The following SMAD4 variants were observed in gnomAD, a reference collection of about 807,000 sequenced individuals.
SMAD4 encodes the protein MAD homolog 4.
A neutral mutation model predicts 63.2 loss-of-function variants in SMAD4; 7 were observed. The observed-to-expected ratio is 0.11, with a 90% CI of 0.06 to 0.21. The LOEUF (loss-of-function observed/expected upper bound fraction) is 0.21, where lower values mean the gene tolerates loss of function less well. Among genes scored for constraint, SMAD4 ranks in the 10% least tolerant of loss-of-function variants. The pLI is 1.00. For synonymous variants in SMAD4, 215 were observed against 235.4 expected (o/e 0.91, Z 0.79); for missense variants, 312 against 693.8 (o/e 0.45, Z 6.18).
intron 4 of SMAD4, chr18:51,054,011 C>G (rs1030788994): frequency 6.6e-6 from 1 of 152,200 alleles, no homozygotes; most frequent in Admixed American, 6.5e-5. Context: ...TTTTGTCATA[C>G]AGCAGAGCTA....
chr18:51,083,617 T>G lies in SMAD4; in HGVS notation c.*5150T>G, dbSNP rs575833902. On this transcript the variant is annotated 3_prime_UTR_variant, in exon 12 of 12. Coordinates refer to ENST00000342988, the MANE Select transcript of SMAD4 (RefSeq NM_005359.6). ...TTGTTCAACCTGAAAGTAATGGCTC[T>G]GGGTTGGGCCAGACAGTTGCACTCT... The G allele has an allele frequency of 4.4e-6, 1 of 228,322 alleles. No homozygotes were observed. Among genetic ancestry groups the G allele is most frequent in the African/African-American group, 2.2e-5 (1 of 45,200 alleles). 14.1% of individuals were successfully genotyped at this position (228,322 alleles called of 1,614,324 possible).
rs199787250 is a variant in SMAD4, at chr18:51,078,637, AT to A, written c.*180del. ...AGCAGACAGAAACTGGATTAAAACA[AT>A]TTTTTTTTTCCTCTTCAGAACTTGT... On this transcript the variant is annotated 3_prime_UTR_variant, in exon 12 of 12. Transcript: ENST00000342988. 727 of 552,008 alleles carry A rather than the reference AT, an allele frequency of 1.3e-3. No homozygotes were observed. The highest frequency in any genetic ancestry group is 2.9e-3 in the Middle Eastern group (6 of 2,102). The allele number at this position is 552,008 out of a possible 1,614,324, so 34.2% of individuals were successfully genotyped here. A position where few individuals can be genotyped will look rare whatever the true frequency, so the allele number is the denominator to read the frequency against.
chr18:51,060,069 A>T (rs150179374), intron 8 of SMAD4, among the ~76,000 whole-genome samples, 153 bp downstream of exon 8: 2 of 152,228 alleles, frequency 1.3e-5, no homozygotes, highest in Non-Finnish European at 2.9e-5. Context: ...TGAGTAGTCA[A>T]TATAGTCACA....
intron 10 of SMAD4, among the ~76,000 whole-genome samples, chr18:51,075,071 T>C (rs1048901252): frequency 5.9e-5 from 9 of 152,206 alleles, no homozygotes; most frequent in Non-Finnish European, 1.2e-4. Context: ...TATATGTATA[T>C]TGGACAAATT....
At chr18:51,036,226 ACTAGG>A (rs1909202028) in intron 1 of SMAD4, among the ~76,000 whole-genome samples, 1 of 152,164 alleles carries the variant, frequency 6.6e-6, no homozygotes, top group South Asian at 2.1e-4. Flanking sequence ...ATGATTTAAA[ACTAGG>A]AATGCTACCG....
intron 1 of SMAD4, among the ~76,000 whole-genome samples, chr18:51,035,695 G>A (rs941127753): frequency 2.6e-5 from 4 of 152,128 alleles, no homozygotes; most frequent in Admixed American, 6.5e-5. Flanking sequence ...TGAGACATTT[G>A]CTCAGCTAGG....
chr18:51,040,156 G>C (rs894153788), intron 1 of SMAD4, among the ~76,000 whole-genome samples: 4 of 152,118 alleles, frequency 2.6e-5, no homozygotes, highest in Non-Finnish European at 5.9e-5. Context: ...CGCCGGGCAT[G>C]GTGGCTCATA....
intron 7 of SMAD4, among the ~76,000 whole-genome samples, chr18:51,059,470 T>G (rs970150408): frequency 3.9e-5 from 6 of 152,250 alleles, no homozygotes; most frequent in African/African-American, 1.4e-4. Context: ...ATGATTCCAT[T>G]AAATAAACAT....
rs751470394 is a variant in SMAD4, at chr18:51,065,580, C to T, written c.1113C>T (p.His371=). 1 of 1,614,132 alleles carries T rather than the reference C, an allele frequency of 6.2e-7. No individual in the cohort carries two copies. The highest frequency in any genetic ancestry group is 2.2e-5 in the East Asian group (1 of 44,880). Residue 371 remains histidine (H), a synonymous_variant, in exon 9 of 12, where the codon CAC becomes CAT. Transcript: ENST00000342988. ...GTTTGGGTCAACTCTCCAATGTCCA[C>T]AGGACAGAAGCCATTGAGAGAGCAA... is the stretch of plus-strand genomic sequence containing the variant. ...RFCLGQLSNV[H]RTEAIERARL...
intron 1 of SMAD4, among the ~76,000 whole-genome samples, chr18:51,036,925 A>T (rs1191508196): frequency 6.6e-6 from 1 of 152,194 alleles, no homozygotes. Flanking sequence ...TGGGAGGCCA[A>T]GGGGGGTGCG....
intron 1 of SMAD4, among the ~76,000 whole-genome samples, chr18:51,044,630 C>T (rs188915309): frequency 7.2e-5 from 11 of 152,240 alleles, no homozygotes; most frequent in Admixed American, 5.9e-4. Flanking sequence ...TGGGCTCAAG[C>T]GATCCACCTG....
At chr18:51,062,037 C>T (rs17811426) in intron 8 of SMAD4, among the ~76,000 whole-genome samples, 49,562 of 152,000 alleles carry the variant, frequency 0.33, 8,694 homozygotes, top group East Asian at 0.41. Flanking sequence ...GGTTACTGTG[C>T]TGGCTAGCAG....
At position 51,084,118 on chromosome 18, in the gene SMAD4, ACT is replaced by A. The variant is rs1478684671; in HGVS notation, c.*5654_*5655del. On this transcript the variant is annotated 3_prime_UTR_variant, in exon 12 of 12. Transcript: ENST00000342988. Reference sequence around the variant, plus strand: ...CGTGCACACACACACGCACGCACACACTCTGGTCAGAGTTTATTAAGGCTTTC... The same window carrying A: ...CGTGCACACACACACGCACGCACACACTGGTCAGAGTTTATTAAGGCTTTC... 5.6e-5 allele frequency: 13 copies of A among 231,076 alleles called. No individual in the cohort carries two copies. The highest frequency in any genetic ancestry group is 1.2e-4 in the East Asian group (2 of 16,396). The allele number at this position is 231,076 out of a possible 1,614,324, so 14.3% of individuals were successfully genotyped here.
intron 1 of SMAD4, among the ~76,000 whole-genome samples, chr18:51,033,104 A>G (rs1206888930): frequency 6.6e-6 from 1 of 151,866 alleles, no homozygotes; most frequent in Non-Finnish European, 1.5e-5. Context: ...TGAGGTGACC[A>G]TTAATCGCGT....
intron 10 of SMAD4, among the ~76,000 whole-genome samples, chr18:51,071,979 C>T (rs950045195): frequency 6.6e-6 from 1 of 152,206 alleles, no homozygotes; most frequent in Non-Finnish European, 1.5e-5. Flanking sequence ...AATAGTGCTC[C>T]ACACACATTT....
intron 10 of SMAD4, among the ~76,000 whole-genome samples, chr18:51,067,781 T>C (rs1270275416): frequency 1.3e-5 from 2 of 152,214 alleles, no homozygotes; most frequent in East Asian, 3.9e-4. Flanking sequence ...GTTGTATTCC[T>C]GTAACTTGAA....
chr18:51,073,388 T>TATATATATATACACACACAC (rs1417299090), intron 10 of SMAD4, among the ~76,000 whole-genome samples: 1 of 64,160 alleles, frequency 1.6e-5, no homozygotes, highest in Non-Finnish European at 2.7e-5. Flanking sequence ...TATATATATA[T>TATATATATATACACACACAC]ACACACACAC....
intron 4 of SMAD4, chr18:51,054,028 T>C (rs1475480554): frequency 3.3e-5 from 5 of 152,262 alleles, no homozygotes; most frequent in Non-Finnish European, 7.3e-5. Flanking sequence ...GCTAACTATT[T>C]CCTGGTTGGT....
chr18:51,064,228 G>A (rs991337574), intron 8 of SMAD4, among the ~76,000 whole-genome samples: 2 of 152,122 alleles, frequency 1.3e-5, no homozygotes, highest in Admixed American at 6.5e-5. Flanking sequence ...CCACCCTGGG[G>A]TCTTTGCTTT....
Sources: gnomAD v4.1 joint callset for allele counts (sites outside exome capture counted in the v4.1 genomes callset) on GRCh38, gnomAD v4.1.1 for gene constraint, MANE v1.5 for transcripts, NCBI Gene and HGNC (gene_info 2026-07-23, HGNC 2026-07-21) for gene names.